The following PIK3AP1 variants were observed in gnomAD, a reference collection of about 807,000 sequenced individuals.
The protein encoded by PIK3AP1 is phosphoinositide-3-kinase adaptor protein 1, also known as phosphoinositide 3-kinase adapter protein 1.
A neutral mutation model predicts 88.1 loss-of-function variants in PIK3AP1; 21 were observed. The ratio of observed to expected loss-of-function variants is 0.24; its 90% CI spans 0.17 to 0.34. PIK3AP1 has a LOEUF of 0.34. Ranked by LOEUF, PIK3AP1 falls within the 10% of genes least tolerant of loss-of-function variation. The pLI, the probability that PIK3AP1 is intolerant of heterozygous loss-of-function variation, is 1.00. For synonymous variants in PIK3AP1, 398 were observed against 400.0 expected (o/e 1.00, Z 0.06); for missense variants, 828 against 1,035.7 (o/e 0.80, Z 2.75).
At chr10:96,646,064 A>G (rs886621935) in intron 7 of PIK3AP1, among the ~76,000 whole-genome samples, 9 of 152,210 alleles carry the variant, frequency 5.9e-5, no homozygotes, top group African/African-American at 2.2e-4. Context: ...GTTCGAGACC[A>G]GCCTGGCCAA....
At chr10:96,657,289 T>C (rs1355486222) in intron 2 of PIK3AP1, among the ~76,000 whole-genome samples, 1 of 152,102 alleles carries the variant, frequency 6.6e-6, no homozygotes, top group Non-Finnish European at 1.5e-5. Context: ...CCTTTCCCCT[T>C]AGGTGGGTTC....
chr10:96,695,409 A>T (rs1844206967), intron 2 of PIK3AP1, among the ~76,000 whole-genome samples: 1 of 152,220 alleles, frequency 6.6e-6, no homozygotes, highest in Admixed American at 6.5e-5. Flanking sequence ...CATTAGCTGT[A>T]CATGTAAAAA....
chr10:96,623,456 A>G lies in PIK3AP1; in HGVS notation c.1735+16T>C. On this transcript the variant is annotated intron_variant, in intron 11 of 16. Transcript: ENST00000339364. ...TCAACCACACAAAAGTTCAGTTCATATAACACATGGCTTACCTTTCCTGAT... is the reference window on the plus strand; with the variant it reads ...TCAACCACACAAAAGTTCAGTTCATGTAACACATGGCTTACCTTTCCTGAT... 1 of 1,600,750 alleles carries G rather than the reference A, an allele frequency of 6.2e-7. No homozygotes were observed. Among genetic ancestry groups the G allele is most frequent in the Non-Finnish European group, 8.6e-7 (1 of 1,168,384 alleles).
intron 2 of PIK3AP1, among the ~76,000 whole-genome samples, chr10:96,707,540 G>A (rs1353090127): frequency 2.0e-5 from 3 of 152,074 alleles, no homozygotes; most frequent in African/African-American, 4.8e-5. Flanking sequence ...TGATCCGCCC[G>A]CCTCGGCCTC....
At chr10:96,704,174 T>A (rs1328890786) in intron 2 of PIK3AP1, among the ~76,000 whole-genome samples, 1 of 152,180 alleles carries the variant, frequency 6.6e-6, no homozygotes, top group African/African-American at 2.4e-5. Context: ...ACGCAGGAGC[T>A]CTACCCTGAA....
At chr10:96,602,836 C>T (rs976548847) in intron 15 of PIK3AP1, among the ~76,000 whole-genome samples, 1 of 152,176 alleles carries the variant, frequency 6.6e-6, no homozygotes, top group Admixed American at 6.5e-5. Flanking sequence ...GGGCCTCAAC[C>T]TAAAGCAGCA....
At chr10:96,711,102 G>C (rs1478180685) in intron 1 of PIK3AP1, among the ~76,000 whole-genome samples, 5 of 152,168 alleles carry the variant, frequency 3.3e-5, no homozygotes, top group Non-Finnish European at 7.3e-5. Flanking sequence ...GGCTTTTAGG[G>C]ATCACTTGGC....
At chr10:96,648,621 G>A (rs541949261) in intron 7 of PIK3AP1, 38 bp downstream of exon 7, 2 of 1,567,056 alleles carry the variant, frequency 1.3e-6, no homozygotes, top group Admixed American at 2.0e-5. Flanking sequence ...ACCACAGAGT[G>A]CATTTCCAAT....
In PIK3AP1 at chr10:96,611,195, C is replaced by T. The variant is rs1564953975; in HGVS notation, c.2015-1328G>A. On this transcript the variant is annotated intron_variant, in intron 13 of 16. Coordinates refer to ENST00000339364, the MANE Select transcript of PIK3AP1 (RefSeq NM_152309.3). ...AGAGTGGATTGTTGGCTTGCACAGGCACCAGCCTTCCTCATCTGGAGACTC... is the reference window on the plus strand; with the variant it reads ...AGAGTGGATTGTTGGCTTGCACAGGTACCAGCCTTCCTCATCTGGAGACTC... 3.3e-5 allele frequency among the ~76,000 whole-genome samples: 5 copies of T among 152,348 alleles called. No individual in the cohort carries two copies. In the South Asian group the frequency reaches 1.0e-3, roughly 32 times the overall value.
At chr10:96,626,941 CCAAA>C (rs1238216563) in intron 9 of PIK3AP1, 36 bp from the exon 10 acceptor site, 1 of 1,563,046 alleles carries the variant, frequency 6.4e-7, no homozygotes, top group Non-Finnish European at 8.8e-7. Context: ...AAAGCAGTGG[CCAAA>C]CAAACTGGGT....
In PIK3AP1 at chr10:96,620,409, G is replaced by A. The variant is rs764847934; in HGVS notation, c.1884C>T (p.His628=). The A allele has an allele frequency of 1.2e-6, 2 of 1,614,224 alleles. No homozygotes were observed. Among genetic ancestry groups the A allele is most frequent in the Non-Finnish European group, 1.7e-6 (2 of 1,180,042 alleles). Residue 628 remains histidine (H), a synonymous_variant, in exon 12 of 17, where the codon CAC becomes CAT. Coordinates refer to ENST00000339364, the MANE Select transcript of PIK3AP1 (RefSeq NM_152309.3). ...GIVNVDEAVL[H]FKEWQLNQKK... ...TCTGGTTGAGCTGCCACTCTTTGAA[G>A]TGGAGCACAGCCTCATCCACGTTGA... is the stretch of plus-strand genomic sequence containing the variant.
intron 12 of PIK3AP1, among the ~76,000 whole-genome samples, chr10:96,618,373 A>T (rs190025205): frequency 1.1e-4 from 17 of 152,374 alleles, no homozygotes; most frequent in Admixed American, 1.1e-3. Flanking sequence ...TGGTACATAC[A>T]GGATGATGGT....
rs140843691 is a variant in PIK3AP1 at position 96,645,546 on chromosome 10, C to A, written c.1302G>T (p.Ser434=). ...GATCCTCGTCACAGCCGGGGTTGAG[C>A]GAGCATTTCATAAGCAGGTCTGTGG... ...HLSTDLLMKC[S]LNPGCDEDLY... is the part of the protein sequence containing the mutation. Residue 434 remains serine, a synonymous_variant, in exon 8 of 17, where the codon TCG becomes TCT. Transcript: ENST00000339364. 1.2e-6 allele frequency: 2 copies of A among 1,613,900 alleles called. No individual in the cohort carries two copies. The highest frequency in any genetic ancestry group is 1.7e-6 in the Non-Finnish European group (2 of 1,179,922).
At chr10:96,684,449 G>A (rs549997787) in intron 2 of PIK3AP1, among the ~76,000 whole-genome samples, 1 of 152,224 alleles carries the variant, frequency 6.6e-6, no homozygotes, top group Non-Finnish European at 1.5e-5. Flanking sequence ...CCAGCTCAGT[G>A]AGACAAGATG....
intron 8 of PIK3AP1, among the ~76,000 whole-genome samples, chr10:96,637,326 A>T (rs976809368): frequency 1.1e-4 from 16 of 148,786 alleles, no homozygotes; most frequent in South Asian, 2.1e-4. Flanking sequence ...ACACACACAC[A>T]CACACACACA....
At chr10:96,665,467 TTG>T (rs1843748301) in intron 2 of PIK3AP1, among the ~76,000 whole-genome samples, 1 of 152,178 alleles carries the variant, frequency 6.6e-6, no homozygotes, top group Non-Finnish European at 1.5e-5. Flanking sequence ...CTTTTTTATA[TTG>T]TGTTTAATTT....
chr10:96,634,024 C>G (rs1266934556), intron 8 of PIK3AP1, among the ~76,000 whole-genome samples: 1 of 152,174 alleles, frequency 6.6e-6, no homozygotes, highest in Non-Finnish European at 1.5e-5. Flanking sequence ...TGGTCCAGAC[C>G]AGACTTGGAG....
chr10:96,669,503 C>T (rs1225614608), intron 2 of PIK3AP1: 2 of 152,178 alleles, frequency 1.3e-5, no homozygotes, highest in African/African-American at 2.4e-5. Context: ...CATGAAAAAA[C>T]AGGGAGGCCG....
rs754074502 is a variant in PIK3AP1, at chr10:96,648,624, T to C, written c.1185+35A>G. The C allele has an allele frequency of 5.1e-6, 8 of 1,571,306 alleles. No homozygotes were observed. The South Asian group carries it at 9.5e-5, about 19-fold the overall frequency. Reference sequence around the variant, plus strand: ...GGCAGCCATACTACCACAGAGTGCATTTCCAATCCTGGGCCCCTCCTGCCT... The same window carrying C: ...GGCAGCCATACTACCACAGAGTGCACTTCCAATCCTGGGCCCCTCCTGCCT... On this transcript the variant is annotated intron_variant, in intron 7 of 16. Coordinates refer to ENST00000339364, the MANE Select transcript of PIK3AP1 (RefSeq NM_152309.3).
Sources: gnomAD v4.1 joint callset for allele counts (sites outside exome capture counted in the v4.1 genomes callset) on GRCh38, gnomAD v4.1.1 for gene constraint, MANE v1.5 for transcripts, NCBI Gene and HGNC (gene_info 2026-07-23, HGNC 2026-07-21) for gene names.